CAMTA1: variants seen among roughly 807,000 people sequenced by gnomAD.
The protein encoded by CAMTA1 is calmodulin-binding transcription activator 1.
A neutral mutation model predicts 170.9 loss-of-function variants in CAMTA1; 27 were observed. The observed-to-expected ratio is 0.16, with a 90% CI of 0.12 to 0.22. The LOEUF (loss-of-function observed/expected upper bound fraction) is 0.22, where lower values mean the gene tolerates loss of function less well. Ranked by LOEUF, CAMTA1 falls within the 10% of genes least tolerant of loss-of-function variation. CAMTA1 has a pLI of 1.00. For synonymous variants in CAMTA1, 833 were observed against 891.5 expected (o/e 0.93, Z 1.17); for missense variants, 1,619 against 2,217.2 (o/e 0.73, Z 5.42).
At chr1:7,376,536 T>A (rs2086856084) in intron 5 of CAMTA1, among the ~76,000 whole-genome samples, 1 of 152,142 alleles carries the variant, frequency 6.6e-6, no homozygotes, top group East Asian at 1.9e-4. Context: ...AGTGTGGACG[T>A]TCCATACCAG....
At chr1:7,304,463 A>G (rs1398548587) in intron 5 of CAMTA1, among the ~76,000 whole-genome samples, 1 of 152,212 alleles carries the variant, frequency 6.6e-6, no homozygotes, top group African/African-American at 2.4e-5. Context: ...TAGACGATGG[A>G]CTGTGTGACT....
chr1:6,923,427 G>T (rs907560901), intron 3 of CAMTA1, among the ~76,000 whole-genome samples: 3 of 152,306 alleles, frequency 2.0e-5, no homozygotes, highest in African/African-American at 7.2e-5. Flanking sequence ...TGCCCTCAAG[G>T]TTCCTGTTTA....
At chr1:7,526,810 C>T (rs904835727) in intron 6 of CAMTA1, among the ~76,000 whole-genome samples, 3 of 152,188 alleles carry the variant, frequency 2.0e-5, no homozygotes, top group Non-Finnish European at 4.4e-5. Flanking sequence ...GGCCCTGGCT[C>T]TCTGTTAGCA....
chr1:7,032,027 A>G (rs981392338), intron 3 of CAMTA1, among the ~76,000 whole-genome samples: 6 of 151,874 alleles, frequency 4.0e-5, no homozygotes, highest in African/African-American at 7.3e-5. Flanking sequence ...GTGCAGTGGC[A>G]TGATCTTGGC....
intron 4 of CAMTA1, among the ~76,000 whole-genome samples, chr1:7,107,972 A>C (rs551462601): frequency 1.3e-5 from 2 of 152,250 alleles, no homozygotes; most frequent in Non-Finnish European, 2.9e-5. Context: ...TCTCAACCAG[A>C]GACACAACCA....
At chr1:6,883,660 A>G (rs58627359) in intron 3 of CAMTA1, among the ~76,000 whole-genome samples, 52,438 of 151,726 alleles carry the variant, frequency 0.35, 9,223 homozygotes, top group Admixed American at 0.42. Context: ...GATTCAAGGA[A>G]TAGGATCGAG....
chr1:7,744,917 C>T lies in CAMTA1; in HGVS notation c.4265C>T (p.Ser1422Phe). The change falls in exon 17 of 23, where the codon TCC (serine) becomes TTC (phenylalanine). Residue 1422 changes from serine to phenylalanine, a missense_variant. This residue lies in a region of CAMTA1 where 370 missense variants were observed against 429.4 expected (regional missense o/e 0.86). Coordinates refer to ENST00000303635, the MANE Select transcript of CAMTA1 (RefSeq NM_015215.4). Reference sequence around the variant, plus strand: ...CAGGAGAATTTTGTGCCCATGGAGTCCTCAGGATTGGAAAGAACAGACCCT... The same window carrying T: ...CAGGAGAATTTTGTGCCCATGGAGTTCTCAGGATTGGAAAGAACAGACCCT... ...IKQENFVPME[S>F]SGLERTDPAT... 6.2e-7 allele frequency: 1 copy of T among 1,614,054 alleles called. No individual in the cohort carries two copies. The highest frequency in any genetic ancestry group is 8.5e-7 in the Non-Finnish European group (1 of 1,180,020).
chr1:7,414,918 A>C (rs1470277504), intron 5 of CAMTA1, among the ~76,000 whole-genome samples: 1 of 151,932 alleles, frequency 6.6e-6, no homozygotes, highest in Admixed American at 6.6e-5. Context: ...TTCCCTCTAC[A>C]CACTGCTTTG....
chr1:7,281,765 T>A (rs1284805101), intron 5 of CAMTA1, among the ~76,000 whole-genome samples: 1 of 151,878 alleles, frequency 6.6e-6, no homozygotes, highest in Admixed American at 6.6e-5. Flanking sequence ...CCATGTGGAT[T>A]TTTTTTGTTG....
intron 5 of CAMTA1, among the ~76,000 whole-genome samples, chr1:7,279,257 C>T (rs1326499174): frequency 2.0e-5 from 3 of 152,176 alleles, no homozygotes; most frequent in African/African-American, 4.8e-5. Flanking sequence ...ACATTGCCCA[C>T]GCTTCTGCCA....
At chr1:6,860,451 GTTTCCACAAATATGTGGTT>G (rs1442627790) in intron 3 of CAMTA1, among the ~76,000 whole-genome samples, 1 of 152,148 alleles carries the variant, frequency 6.6e-6, no homozygotes, top group Non-Finnish European at 1.5e-5. Flanking sequence ...CATGTGCTAA[GTTTCCACAAATATGTGGTT>G]TTTTACCTGA....
intron 4 of CAMTA1, among the ~76,000 whole-genome samples, chr1:7,244,702 G>C (rs903095413): frequency 2.0e-5 from 3 of 151,988 alleles, no homozygotes; most frequent in African/African-American, 7.3e-5. Context: ...GAGAGCCCAT[G>C]GACACAGGAA....
rs374943573 is a variant in CAMTA1 at position 7,748,159 on chromosome 1, G to T, written c.4689+378G>T. Among the ~76,000 whole-genome samples the T allele has an allele frequency of 6.6e-6, 1 of 151,978 alleles. No individual in the cohort carries two copies. Among genetic ancestry groups the T allele is most frequent in the Non-Finnish European group, 1.5e-5 (1 of 68,004 alleles). On this transcript the variant is annotated intron_variant, in intron 19 of 22. Transcript: ENST00000303635. This position sits in a 1 kb window ranked among gnomAD's most constrained non-coding sequence, Gnocchi z 4.7. ...ACTCCTGACCTCAAGTGATCTGCCC[G>T]CCTTGGCCTCCCAAAGTGCTGGGAT...
intron 6 of CAMTA1, among the ~76,000 whole-genome samples, chr1:7,493,565 G>A (rs1029307144): frequency 1.3e-5 from 2 of 151,628 alleles, no homozygotes; most frequent in African/African-American, 2.4e-5. Flanking sequence ...GGCACGCAAC[G>A]ACGGATCCAC....
chr1:7,497,080 A>G (rs2093840678), intron 6 of CAMTA1, among the ~76,000 whole-genome samples: 1 of 152,194 alleles, frequency 6.6e-6, no homozygotes, highest in Admixed American at 6.5e-5. Context: ...TTCACTGAAC[A>G]TTAAACTCAT....
intron 4 of CAMTA1, among the ~76,000 whole-genome samples, chr1:7,199,098 A>T (rs920975805): frequency 6.6e-6 from 1 of 152,064 alleles, no homozygotes; most frequent in African/African-American, 2.4e-5. Context: ...TTTGCGCGGC[A>T]CGTGGTGGGT....
intron 5 of CAMTA1, among the ~76,000 whole-genome samples, chr1:7,462,380 C>T (rs1463529002): frequency 1.3e-5 from 2 of 152,230 alleles, no homozygotes; most frequent in Non-Finnish European, 2.9e-5. Flanking sequence ...ATTCTTCTGC[C>T]TCAGCCTCCT....
At chr1:7,599,562 C>T (rs1038304228) in intron 6 of CAMTA1, among the ~76,000 whole-genome samples, 3 of 152,110 alleles carry the variant, frequency 2.0e-5, no homozygotes, top group African/African-American at 7.2e-5. Flanking sequence ...TTGATTCTTC[C>T]TACCCATGAG....
chr1:7,023,483 TATAGACAA>T (rs1701640522), intron 3 of CAMTA1, among the ~76,000 whole-genome samples: 1 of 152,160 alleles, frequency 6.6e-6, no homozygotes, highest in African/African-American at 2.4e-5. Flanking sequence ...TTTCAGAAAC[TATAGACAA>T]CAGAGCAATC....
Sources: allele counts gnomAD v4.1 joint callset (sites outside exome capture counted in the v4.1 genomes callset), GRCh38; gene constraint gnomAD v4.1.1; regional missense constraint gnomAD v4.1.1; non-coding constraint Gnocchi (gnomAD v3.1); transcripts MANE v1.5; gene names NCBI Gene and HGNC (gene_info 2026-07-23, HGNC 2026-07-21).